The following THTPA variants were observed in gnomAD, a reference collection of about 807,000 sequenced individuals.
The protein encoded by THTPA is thiamine triphosphatase, also known as thiamine-triphosphatase.
In THTPA, 16 loss-of-function variants were observed where a neutral mutation model predicts 16.5. The observed-to-expected ratio is 0.97, with a 90% CI of 0.66 to 1.47. The LOEUF (loss-of-function observed/expected upper bound fraction) is 1.47. Among genes scored for constraint, THTPA ranks in the 40% most tolerant of loss-of-function variants. The probability of loss-of-function intolerance (pLI) is 0.00; values close to 1 mark genes in which losing one functional copy is unlikely to be tolerated. For synonymous variants in THTPA, 110 were observed against 115.5 expected, an observed-to-expected ratio of 0.95 and a Z score of 0.30; for missense variants, 281 against 280.9, an observed-to-expected ratio of 1.00 and a Z score of 0.00.
rs371781799 is a variant in THTPA, at chr14:23,559,735, G to A, written c.*895G>A. On this transcript the variant is annotated 3_prime_UTR_variant, in exon 2 of 2. Transcript: ENST00000288014. ...TTGGGACACAGGAGAATTTCAGGCT[G>A]TGAGTGGAGACAGTTACTGCCACGA... 8 of 1,612,984 alleles carry A rather than the reference G, an allele frequency of 5.0e-6. No individual in the cohort carries two copies. Among genetic ancestry groups the A allele is most frequent in the South Asian group, 1.1e-5 (1 of 90,934 alleles).
chr14:23,556,606 G>T lies in THTPA; in HGVS notation c.-152G>T. ...ATGTCACCGAGGTAGAGAGAAAAGGGCAGTAGCCCTAGAGACTATTGCGAC... is the reference window on the plus strand; with the variant it reads ...ATGTCACCGAGGTAGAGAGAAAAGGTCAGTAGCCCTAGAGACTATTGCGAC... On this transcript the variant is annotated 5_prime_UTR_variant, in exon 1 of 2. Coordinates refer to ENST00000288014, the MANE Select transcript of THTPA (RefSeq NM_024328.6). The T allele has an allele frequency of 3.9e-6, 3 of 768,242 alleles. No individual in the cohort carries two copies. The highest frequency in any genetic ancestry group is 6.1e-6 in the Non-Finnish European group (3 of 489,904). 47.6% of individuals were successfully genotyped at this position (768,242 alleles called of 1,614,324 possible). A position where few individuals can be genotyped will look rare whatever the true frequency, so the allele number is the denominator to read the frequency against.
the THTPA span, chr14:23,526,366 C>T: frequency 2.7e-5 from 41 of 1,536,222 alleles, no homozygotes; most frequent in Non-Finnish European, 3.4e-5. Flanking sequence ...ACACAGTGCA[C>T]TTATAGGGCC....
the THTPA span, among the ~76,000 whole-genome samples, chr14:23,539,846 C>CT: frequency 6.6e-6 from 1 of 152,216 alleles, no homozygotes; most frequent in African/African-American, 2.4e-5. Context: ...ACCTGACTGG[C>CT]TTTTTCCTCC....
the THTPA span, chr14:23,524,042 G>A: frequency 1.3e-6 from 2 of 1,513,942 alleles, no homozygotes; most frequent in East Asian, 4.9e-5. The surrounding 1 kb of genome is among the most constrained non-coding windows in gnomAD (Gnocchi z 5.6). Flanking sequence ...AGTGGGGTAG[G>A]GAAAAGCAGG....
the THTPA span, chr14:23,522,119 C>A: frequency 6.5e-7 from 1 of 1,532,088 alleles, no homozygotes; most frequent in South Asian, 1.2e-5. Context: ...GGCTGCCTTG[C>A]GCCTGTGGGC....
the THTPA span, among the ~76,000 whole-genome samples, chr14:23,512,162 A>T: frequency 4.9e-4 from 75 of 152,118 alleles, 1 homozygote; most frequent in East Asian, 4.3e-3. Context: ...CTAATTAATG[A>T]TTGGGGACTG....
At chr14:23,525,401 C>T in the THTPA span, 28 of 1,536,110 alleles carry the variant, frequency 1.8e-5, no homozygotes, top group Middle Eastern at 3.3e-4. The surrounding 1 kb of genome is among the most constrained non-coding windows in gnomAD (Gnocchi z 5.9). Flanking sequence ...AGCAGCATAA[C>T]GGCTCAGGGC....
At chr14:23,527,521 C>T in the THTPA span, 1 of 1,498,884 alleles carries the variant, frequency 6.7e-7, no homozygotes, top group Non-Finnish European at 9.0e-7. Flanking sequence ...CATGCACCTG[C>T]CTGAATACCC....
the THTPA span, chr14:23,528,766 C>G: frequency 6.1e-6 from 6 of 985,398 alleles, no homozygotes; most frequent in Non-Finnish European, 7.2e-6. Context: ...AAATTCTGGC[C>G]CAGCCCTCTC....
At chr14:23,518,296 A>G in the THTPA span, among the ~76,000 whole-genome samples, 1 of 152,244 alleles carries the variant, frequency 6.6e-6, no homozygotes, top group Non-Finnish European at 1.5e-5. The surrounding 1 kb of genome is among the most constrained non-coding windows in gnomAD (Gnocchi z 4.5). Flanking sequence ...GGTCTGGTCT[A>G]TAAGCCCTGA....
chr14:23,520,635 C>T, the THTPA span, among the ~76,000 whole-genome samples: 2 of 152,140 alleles, frequency 1.3e-5, no homozygotes, highest in Admixed American at 6.5e-5. This position sits in a 1 kb window ranked among gnomAD's most constrained non-coding sequence, Gnocchi z 8.7. Context: ...CCCCAGAGTT[C>T]AGGCTCTTCT....
At chr14:23,519,653 T>C in the THTPA span, among the ~76,000 whole-genome samples, 8 of 152,068 alleles carry the variant, frequency 5.3e-5, no homozygotes, top group African/African-American at 1.7e-4. Context: ...CCTAATTTGT[T>C]AGAGTTGGAG....
chr14:23,546,917 T>G, the THTPA span, among the ~76,000 whole-genome samples: 3,180 of 152,298 alleles, frequency 0.021, 119 homozygotes, highest in African/African-American at 0.073. The surrounding 1 kb of genome is among the most constrained non-coding windows in gnomAD (Gnocchi z 4.7). Context: ...CCTTGCTTAT[T>G]ATAGCCAGAC....
At chr14:23,532,673 G>C in the THTPA span, 45 of 1,517,632 alleles carry the variant, frequency 3.0e-5, no homozygotes, top group Non-Finnish European at 3.9e-5. Context: ...CAGGTGTAGT[G>C]GGGAGACAGA....
chr14:23,534,515 G>T, the THTPA span: 9 of 1,536,166 alleles, frequency 5.9e-6, no homozygotes, highest in Non-Finnish European at 7.8e-6. The surrounding 1 kb of genome is among the most constrained non-coding windows in gnomAD (Gnocchi z 4.5). Context: ...CTACCTGACA[G>T]GCCCTGATAT....
At chr14:23,521,943 C>T in the THTPA span, 1 of 1,535,756 alleles carries the variant, frequency 6.5e-7, no homozygotes, top group Non-Finnish European at 8.7e-7. Context: ...CTCCCCTCTC[C>T]CCATCTTGGT....
the THTPA span, among the ~76,000 whole-genome samples, chr14:23,539,684 C>T: frequency 6.6e-6 from 1 of 152,146 alleles, no homozygotes; most frequent in Admixed American, 6.5e-5. Flanking sequence ...CAAAGCTGAC[C>T]AGGGGTGCTT....
chr14:23,523,667 A>G, the THTPA span: 3 of 1,542,360 alleles, frequency 1.9e-6, no homozygotes, highest in South Asian at 1.2e-5. The surrounding 1 kb of genome is among the most constrained non-coding windows in gnomAD (Gnocchi z 4.1). Flanking sequence ...ACACTCCTGC[A>G]TGGTGGGGGT....
At chr14:23,545,485 A>G in the THTPA span, among the ~76,000 whole-genome samples, 81 of 152,180 alleles carry the variant, frequency 5.3e-4, no homozygotes, top group African/African-American at 1.8e-3. Flanking sequence ...CCCATCTCCA[A>G]GTCATGGGTT....
Sources: gnomAD v4.1 joint callset for allele counts (sites outside exome capture counted in the v4.1 genomes callset) on GRCh38, gnomAD v4.1.1 for gene constraint, Gnocchi (gnomAD v3.1) non-coding constraint, MANE v1.5 for transcripts, NCBI Gene and HGNC (gene_info 2026-07-23, HGNC 2026-07-21) for gene names.